The following TMEM160 variants were observed in gnomAD, a reference collection of about 807,000 sequenced individuals.
The protein encoded by TMEM160 is transmembrane protein 160.
TMEM160 carries 10 observed loss-of-function variants against 13.9 expected under a neutral mutation model. The observed-to-expected ratio is 0.72, with a 90% CI of 0.45 to 1.22. TMEM160 has a LOEUF of 1.22. TMEM160 is among the 50% of genes most tolerant of loss of function. The pLI, the probability that TMEM160 is intolerant of heterozygous loss-of-function variation, is 0.00. For synonymous variants in TMEM160, 159 were observed against 134.8 expected (o/e 1.18, Z -1.25); for missense variants, 287 against 283.2 (o/e 1.01, Z -0.10).
Position 47,046,584 on chromosome 19 carries a change from T to A in TMEM160, c.301+9A>T. The A allele has an allele frequency of 6.2e-7, 1 of 1,608,556 alleles. No individual in the cohort carries two copies. Among genetic ancestry groups the A allele is most frequent in the Non-Finnish European group, 8.5e-7 (1 of 1,175,884 alleles). On this transcript the variant is annotated intron_variant, in intron 2 of 2. Coordinates refer to ENST00000253047, the MANE Select transcript of TMEM160 (RefSeq NM_017854.2). ...GTTCCGTGGGGCGAGAGGGGGGGTC[T>A]GCACTCACCATATGCTGCTTCCCGA... is the stretch of plus-strand genomic sequence containing the variant.
chr19:47,048,301 G>A, intron 1 of TMEM160, 106 bp downstream of exon 1: 1 of 1,041,848 alleles, frequency 9.6e-7, no homozygotes, highest in South Asian at 1.7e-5. Flanking sequence ...CCTTCTCGGA[G>A]CCGAGCCCGG....
At chr19:47,047,590 C>G (rs1422381411) in intron 1 of TMEM160, 3 of 984,798 alleles carry the variant, frequency 3.0e-6, no homozygotes, top group Non-Finnish European at 3.6e-6. Context: ...GTGACTCACA[C>G]CTATAATCCC....
intron 1 of TMEM160, chr19:47,047,243 G>A (rs1424793426): frequency 7.1e-6 from 7 of 984,124 alleles, no homozygotes; most frequent in Non-Finnish European, 8.4e-6. Flanking sequence ...AGTCCCTGCA[G>A]AATGTGGAGG....
chr19:47,048,172 A>C (rs1599931869), intron 1 of TMEM160, among the ~76,000 whole-genome samples: 1 of 148,098 alleles, frequency 6.8e-6, no homozygotes, highest in Non-Finnish European at 1.5e-5. Context: ...CAACCCTACC[A>C]CCCCCTCCAA....
In TMEM160 at chr19:47,048,476, C is replaced by T. The variant is rs954036496; in HGVS notation, c.139G>A (p.Ala47Thr). The part of the protein sequence containing the change: ...FAPGHGPRAG[A>T]SPPPVSELDR... ...AGCTCGGACACTGGGGGCGGCGAAG[C>T]CCCGGCGCGGGGACCGTGGCCGGGG... is the stretch of plus-strand genomic sequence containing the variant. Residue 47 changes from alanine (A) to threonine (T), a missense_variant, in exon 1 of 3, where the codon GCT becomes ACT. Coordinates refer to ENST00000253047, the MANE Select transcript of TMEM160 (RefSeq NM_017854.2). 3.9e-5 allele frequency: 55 copies of T among 1,409,634 alleles called. No homozygotes were observed. Among genetic ancestry groups the T allele is most frequent in the Non-Finnish European group, 4.9e-5 (54 of 1,093,938 alleles). The allele number at this position is 1,409,634 out of a possible 1,614,324, so 87.3% of individuals were successfully genotyped here. A position where few individuals can be genotyped will look rare whatever the true frequency, so the allele number is the denominator to read the frequency against.
chr19:47,046,220 A>G lies in TMEM160; in HGVS notation c.334T>C (p.Trp112Arg). 1 of 1,536,192 alleles carries G rather than the reference A, an allele frequency of 6.5e-7. No homozygotes were observed. The highest frequency in any genetic ancestry group is 8.7e-7 in the Non-Finnish European group (1 of 1,146,774). The change falls in exon 3 of 3, where the codon TGG becomes CGG. Residue 112 changes from tryptophan to arginine, a missense_variant. Coordinates refer to ENST00000253047, the MANE Select transcript of TMEM160 (RefSeq NM_017854.2). ...CCCACGGCGTACGAGGCGCTGCCCC[A>G]CACCACGCACAGGCCGCCCAGCAGG... ...FFLLGGLCVV[W>R]GSASYAVGLA...
rs1356738541 is a variant in TMEM160 at position 47,046,122 on chromosome 19, G to A, written c.432C>T (p.Ala144=). 2 of 1,504,764 alleles carry A rather than the reference G, an allele frequency of 1.3e-6. No homozygotes were observed. The highest frequency in any genetic ancestry group is 2.5e-5 in the South Asian group (2 of 81,468). 93.2% of individuals were successfully genotyped at this position (1,504,764 alleles called of 1,614,324 possible). The stretch of plus-strand genomic sequence containing the variant: ...CGGCGCACGCCCAGAGCAGGCTGGC[G>A]GCCAGCACGGCGCCCGCGCCCACGG... ...GAAVGAGAVL[A]ASLLWACAVG... Residue 144 remains alanine (A), a synonymous_variant, in exon 3 of 3, where the codon GCC becomes GCT. Transcript: ENST00000253047.
In TMEM160 at chr19:47,045,986, C is replaced by T. The variant is rs2057076273; in HGVS notation, c.*1G>A. 2 of 1,537,168 alleles carry T rather than the reference C, an allele frequency of 1.3e-6. No homozygotes were observed. The highest frequency in any genetic ancestry group is 1.7e-6 in the Non-Finnish European group (2 of 1,148,436). On this transcript the variant is annotated 3_prime_UTR_variant, in exon 3 of 3. Transcript: ENST00000253047. ...CCTGCCAGGCCCCACGGCCGTGTCG[C>T]TCACTCGGGTGGCGGCCGACCCGCC...
chr19:47,047,855 A>T lies in TMEM160; in HGVS notation c.208+552T>A, dbSNP rs2057089063. ...AGCAAGACACCGTCATTAAAAAAAT[A>T]AAATTAAAAAAAAAACAAACATGGC... On this transcript the variant is annotated intron_variant, in intron 1 of 2. Coordinates refer to ENST00000253047, the MANE Select transcript of TMEM160 (RefSeq NM_017854.2). 5.1e-6 allele frequency: 5 copies of T among 979,386 alleles called. No individual in the cohort carries two copies. The Admixed American group carries it at 2.5e-4, about 48-fold the overall frequency. The allele number at this position is 979,386 out of a possible 1,614,324, so 60.7% of individuals were successfully genotyped here.
At position 47,046,606 on chromosome 19, in the gene TMEM160, C is replaced by G. The variant is rs775407111; in HGVS notation, c.288G>C (p.Arg96=). The G allele has an allele frequency of 1.9e-6, 3 of 1,613,360 alleles. No individual in the cohort carries two copies. The highest frequency in any genetic ancestry group is 2.5e-6 in the Non-Finnish European group (3 of 1,179,884). The part of the protein sequence containing the change: ...VISFMQSDMG[R]EAAYGFFLLG... The stretch of plus-strand genomic sequence containing the variant: ...GTCTGCACTCACCATATGCTGCTTC[C>G]CGACCCATGTCACTCTGCATGAAGG... Residue 96 remains arginine, a synonymous_variant, in exon 2 of 3, where the codon CGG becomes CGC. Transcript: ENST00000253047.
chr19:47,048,355 C>G lies in TMEM160; in HGVS notation c.208+52G>C, dbSNP rs77561013. The G allele has an allele frequency of 9.6e-3, 13,564 of 1,415,990 alleles. 1,160 individuals carry two copies. The African/African-American group carries it at 0.18, about 19-fold the overall frequency. The allele number at this position is 1,415,990 out of a possible 1,614,324, so 87.7% of individuals were successfully genotyped here. A position where few individuals can be genotyped will look rare whatever the true frequency, so the allele number is the denominator to read the frequency against. Reference sequence around the variant, plus strand: ...GCCCCCGCCCCATCAAGGTCCCACGCGAGCCCGGGACCCCCGTCCCATCCG... The same window carrying G: ...GCCCCCGCCCCATCAAGGTCCCACGGGAGCCCGGGACCCCCGTCCCATCCG... On this transcript the variant is annotated intron_variant, in intron 1 of 2. Transcript: ENST00000253047.
chr19:47,047,998 C>G, intron 1 of TMEM160: 1 of 898,794 alleles, frequency 1.1e-6, no homozygotes, highest in Non-Finnish European at 1.3e-6. Flanking sequence ...CTTCTCCAAT[C>G]CTGAACTTCC....
Position 47,048,602 on chromosome 19 carries a change from AGCC to A in TMEM160, c.10_12del (p.Gly4del). ...AGGCGAGCGGCCCGAGCCCACCACC[AGCC>A]GCCTCCCATGATTCGCACTACGGCC... is the stretch of plus-strand genomic sequence containing the variant. On this transcript the variant is annotated inframe_deletion, in exon 1 of 3. Coordinates refer to ENST00000253047, the MANE Select transcript of TMEM160 (RefSeq NM_017854.2). The A allele has an allele frequency of 1.3e-6, 2 of 1,534,340 alleles. No individual in the cohort carries two copies. Among genetic ancestry groups the A allele is most frequent in the South Asian group, 1.2e-5 (1 of 84,286 alleles).
At chr19:47,046,949 C>T (rs2057083908) in intron 1 of TMEM160, among the ~76,000 whole-genome samples, 1 of 152,224 alleles carries the variant, frequency 6.6e-6, no homozygotes, top group Non-Finnish European at 1.5e-5. Flanking sequence ...TGGTGGCTCA[C>T]CCCTGTAATC....
At chr19:47,046,379 A>C in intron 2 of TMEM160, 127 bp from the exon 3 acceptor site, 1 of 1,228,658 alleles carries the variant, frequency 8.1e-7, no homozygotes, top group South Asian at 1.5e-5. Context: ...TGAGAATCAG[A>C]TCGGAGGGGA....
At chr19:47,048,042 T>C (rs776902269) in intron 1 of TMEM160, among the ~76,000 whole-genome samples, 2 of 149,200 alleles carry the variant, frequency 1.3e-5, no homozygotes, top group South Asian at 2.1e-4. Flanking sequence ...TCCCGCTCTC[T>C]GCACAGTGGT....
rs1456499539 is a variant in TMEM160, at chr19:47,046,158, C to T, written c.396G>A (p.Leu132=). 1 of 1,475,402 alleles carries T rather than the reference C, an allele frequency of 6.8e-7. No homozygotes were observed. The highest frequency in any genetic ancestry group is 2.8e-5 in the East Asian group (1 of 36,170). The allele number at this position is 1,475,402 out of a possible 1,614,324, so 91.4% of individuals were successfully genotyped here. ...AALRGPMQLT[L]GGAAVGAGAV... ...CGCCCGCGCCCACGGCCGCGCCCCCCAGCGTCAGCTGCATGGGTCCTCGCA... is the reference window on the plus strand; with the variant it reads ...CGCCCGCGCCCACGGCCGCGCCCCCTAGCGTCAGCTGCATGGGTCCTCGCA... The change falls in exon 3 of 3, where the codon CTG becomes CTA. Residue 132 remains leucine, a synonymous_variant. Coordinates refer to ENST00000253047, the MANE Select transcript of TMEM160 (RefSeq NM_017854.2).
At chr19:47,048,347 G>A (rs941176209) in intron 1 of TMEM160, 60 bp downstream of exon 1, 23 of 1,363,632 alleles carry the variant, frequency 1.7e-5, no homozygotes, top group East Asian at 2.8e-5. Flanking sequence ...CCCCATCAAG[G>A]TCCCACGCGA....
At position 47,048,398 on chromosome 19, in the gene TMEM160, G is replaced by C. The variant is rs752243340; in HGVS notation, c.208+9C>G. ...CCCATCCGCACCGCCCCCACCCCTA[G>C]CCACCGACCTGTCTCGTGCGCTTTT... On this transcript the variant is annotated intron_variant, in intron 1 of 2. Transcript: ENST00000253047. 82 of 1,489,852 alleles carry C rather than the reference G, an allele frequency of 5.5e-5. No homozygotes were observed. Among genetic ancestry groups the C allele is most frequent in the Non-Finnish European group, 2.0e-5 (23 of 1,128,796 alleles). 92.3% of individuals were successfully genotyped at this position (1,489,852 alleles called of 1,614,324 possible).
Sources: allele counts gnomAD v4.1 joint callset (sites outside exome capture counted in the v4.1 genomes callset), GRCh38; gene constraint gnomAD v4.1.1; transcripts MANE v1.5; gene names NCBI Gene and HGNC (gene_info 2026-07-23, HGNC 2026-07-21).